PPARGC1A: variants seen among roughly 807,000 people sequenced by gnomAD.
PPARGC1A encodes the protein peroxisome proliferator-activated receptor gamma coactivator 1-alpha.
In PPARGC1A, 25 loss-of-function variants were observed where a neutral mutation model predicts 88.7. The observed-to-expected ratio is 0.28, with a 90% confidence interval of 0.21 to 0.39. The LOEUF (loss-of-function observed/expected upper bound fraction) is 0.39, where lower values mean the gene tolerates loss of function less well. PPARGC1A is among the 10% of genes least tolerant of loss of function. The pLI, the probability that PPARGC1A is intolerant of heterozygous loss-of-function variation, is 1.00. For synonymous variants in PPARGC1A, 363 were observed against 355.6 expected (o/e 1.02, Z -0.24); for missense variants, 880 against 968.7 (o/e 0.91, Z 1.22).
the PPARGC1A span, among the ~76,000 whole-genome samples, chr4:24,050,200 T>TTA: frequency 9.3e-5 from 12 of 129,102 alleles, no homozygotes; most frequent in Non-Finnish European, 1.1e-4. Flanking sequence ...TGACCTTTTG[T>TTA]TTTTTTTTTT....
intron 2 of PPARGC1A, among the ~76,000 whole-genome samples, chr4:23,836,300 A>T (rs1037375078): frequency 1.1e-4 from 16 of 152,158 alleles, no homozygotes; most frequent in African/African-American, 3.9e-4. Context: ...GCATTTCCAC[A>T]GTTGAGCTCT....
At chr4:23,868,924 C>G (rs1712657054) in intron 2 of PPARGC1A, among the ~76,000 whole-genome samples, 1 of 152,198 alleles carries the variant, frequency 6.6e-6, no homozygotes, top group African/African-American at 2.4e-5. Flanking sequence ...CTGATAACTC[C>G]CAACTGCACA....
chr4:23,991,942 A>G, the PPARGC1A span, among the ~76,000 whole-genome samples: 5 of 152,168 alleles, frequency 3.3e-5, no homozygotes, highest in Admixed American at 2.0e-4. Flanking sequence ...GTTTGCATTA[A>G]GTTTCTAGTA....
At chr4:24,308,146 G>T in the PPARGC1A span, among the ~76,000 whole-genome samples, 1 of 151,876 alleles carries the variant, frequency 6.6e-6, no homozygotes, top group Non-Finnish European at 1.5e-5. Flanking sequence ...ACAAAAATTA[G>T]CCAGGTGTGG....
the PPARGC1A span, among the ~76,000 whole-genome samples, chr4:24,463,311 TC>T: frequency 1.3e-5 from 2 of 152,330 alleles, no homozygotes; most frequent in Middle Eastern, 3.4e-3. Context: ...CAAAAACTCT[TC>T]AGATTCCCAC....
chr4:24,140,707 C>T, the PPARGC1A span, among the ~76,000 whole-genome samples: 21 of 152,202 alleles, frequency 1.4e-4, no homozygotes, highest in African/African-American at 2.9e-4. Context: ...CTGAGAGAAA[C>T]ATGACTCAGG....
the PPARGC1A span, among the ~76,000 whole-genome samples, chr4:24,470,271 GACACAGACAC>G: frequency 0.034 from 2,452 of 71,988 alleles, 25 homozygotes; most frequent in Middle Eastern, 0.051. The surrounding 1 kb of genome is among the most constrained non-coding windows in gnomAD (Gnocchi z 5.8). Context: ...CTCATCGACA[GACACAGACAC>G]ACACACACAC....
chr4:24,092,985 C>T, the PPARGC1A span, among the ~76,000 whole-genome samples: 10 of 152,278 alleles, frequency 6.6e-5, no homozygotes, highest in Middle Eastern at 3.4e-3. Flanking sequence ...GAAAAATTGC[C>T]ACAATATCAA....
chr4:24,042,146 G>C, the PPARGC1A span, among the ~76,000 whole-genome samples: 1 of 152,122 alleles, frequency 6.6e-6, no homozygotes, highest in South Asian at 2.1e-4. Flanking sequence ...AAAAATCTCT[G>C]AAAGAGATTT....
At chr4:24,313,664 A>T in the PPARGC1A span, among the ~76,000 whole-genome samples, 315 of 152,332 alleles carry the variant, frequency 2.1e-3, 1 homozygote, top group African/African-American at 4.3e-3. Context: ...CTGAGAATGT[A>T]TGCAATTGGA....
At chr4:24,234,820 T>C in the PPARGC1A span, among the ~76,000 whole-genome samples, 12 of 152,322 alleles carry the variant, frequency 7.9e-5, no homozygotes, top group Admixed American at 2.6e-4. Context: ...GTCATACTAA[T>C]TGGGCAAAAT....
chr4:24,394,553 G>C, the PPARGC1A span, among the ~76,000 whole-genome samples: 1 of 152,220 alleles, frequency 6.6e-6, no homozygotes, highest in Non-Finnish European at 1.5e-5. Context: ...TAAGAGATCA[G>C]CTCATTTGAG....
chr4:24,107,980 A>G, the PPARGC1A span, among the ~76,000 whole-genome samples: 3 of 152,240 alleles, frequency 2.0e-5, no homozygotes, highest in East Asian at 5.8e-4. Context: ...AGAAGACAAA[A>G]AGGGAAGGAA....
chr4:23,925,578 G>A, the PPARGC1A span, among the ~76,000 whole-genome samples: 2 of 152,310 alleles, frequency 1.3e-5, no homozygotes, highest in African/African-American at 2.4e-5. Context: ...GTGAAAAGCA[G>A]TGAAGGAGAC....
the PPARGC1A span, among the ~76,000 whole-genome samples, chr4:24,215,493 C>T: frequency 6.6e-6 from 1 of 152,148 alleles, no homozygotes; most frequent in Non-Finnish European, 1.5e-5. Context: ...CCTGCCTTTG[C>T]TAATGACTTG....
At chr4:24,327,731 T>A in the PPARGC1A span, among the ~76,000 whole-genome samples, 1 of 151,834 alleles carries the variant, frequency 6.6e-6, no homozygotes, top group Non-Finnish European at 1.5e-5. Context: ...CATCACCCAG[T>A]CTCTCTCCAT....
chr4:24,304,376 A>C, the PPARGC1A span, among the ~76,000 whole-genome samples: 3 of 152,212 alleles, frequency 2.0e-5, no homozygotes, highest in South Asian at 6.2e-4. Context: ...CTGTCACTTA[A>C]AGTCCTTACA....
At chr4:23,882,632 A>G (rs1273757164) in intron 2 of PPARGC1A, 1 of 152,148 alleles carries the variant, frequency 6.6e-6, no homozygotes, top group Non-Finnish European at 1.5e-5. Flanking sequence ...GTTGAGAATC[A>G]TTGGTTTAAA....
chr4:23,986,901 G>T, the PPARGC1A span, among the ~76,000 whole-genome samples: 2 of 152,028 alleles, frequency 1.3e-5, no homozygotes, highest in Non-Finnish European at 2.9e-5. Flanking sequence ...ACATCAGCAG[G>T]AATATCATTT....
Sources: gnomAD v4.1 joint callset for allele counts (sites outside exome capture counted in the v4.1 genomes callset) on GRCh38, gnomAD v4.1.1 for gene constraint, Gnocchi (gnomAD v3.1) non-coding constraint, MANE v1.5 for transcripts, NCBI Gene and HGNC (gene_info 2026-07-23, HGNC 2026-07-21) for gene names.